PDE3B: variants seen among roughly 807,000 people sequenced by gnomAD.
PDE3B encodes the protein phosphodiesterase 3B, also known as cGMP-inhibited 3',5'-cyclic phosphodiesterase 3B.
A neutral mutation model predicts 116.8 loss-of-function variants in PDE3B; 66 were observed. That is an observed-to-expected ratio of 0.56 (90% CI 0.46 to 0.69). The LOEUF (loss-of-function observed/expected upper bound fraction) is 0.69, where lower values mean the gene tolerates loss of function less well. PDE3B is among the 30% of genes least tolerant of loss of function. The probability of loss-of-function intolerance (pLI) is 0.00; values close to 1 mark genes in which losing one functional copy is unlikely to be tolerated. For synonymous variants in PDE3B, 595 were observed against 533.6 expected (o/e 1.12, Z -1.59); for missense variants, 1,384 against 1,368.1 (o/e 1.01, Z -0.18).
At chr11:14,892,205 T>C in the PDE3B span, 1 of 1,609,268 alleles carries the variant, frequency 6.2e-7, no homozygotes, top group Non-Finnish European at 8.5e-7. Context: ...AGCTTCCACA[T>C]CGGCCCGAGC....
At chr11:14,800,106 T>A (rs1467924131) in intron 4 of PDE3B, among the ~76,000 whole-genome samples, 1 of 152,192 alleles carries the variant, frequency 6.6e-6, no homozygotes, top group Non-Finnish European at 1.5e-5. Flanking sequence ...CTTCAGGAGC[T>A]CTTGTTAGGC....
intron 11 of PDE3B, among the ~76,000 whole-genome samples, chr11:14,838,864 T>C (rs1489691053): frequency 6.6e-6 from 1 of 152,170 alleles, no homozygotes; most frequent in East Asian, 1.9e-4. Flanking sequence ...GTTTGCCTCA[T>C]GAGTTGTCTA....
intron 1 of PDE3B, among the ~76,000 whole-genome samples, chr11:14,725,663 T>C (rs1482104553): frequency 7.2e-6 from 1 of 139,578 alleles, no homozygotes; most frequent in Non-Finnish European, 1.5e-5. Flanking sequence ...TTATACTCCA[T>C]ATTCAGTCCA....
At chr11:14,891,542 A>T in the PDE3B span, 3 of 1,022,326 alleles carry the variant, frequency 2.9e-6, no homozygotes, top group Non-Finnish European at 3.5e-6. Flanking sequence ...GCTATTAACC[A>T]TCTAGAACTC....
chr11:14,734,821 A>C (rs1314192331), intron 1 of PDE3B, among the ~76,000 whole-genome samples: 2 of 152,120 alleles, frequency 1.3e-5, no homozygotes, highest in Non-Finnish European at 2.9e-5. Flanking sequence ...GCTGTTTTTG[A>C]GAATACAGAT....
intron 12 of PDE3B, among the ~76,000 whole-genome samples, 173 bp from the exon 13 acceptor site, chr11:14,858,870 G>A (rs1847896194): frequency 6.6e-6 from 1 of 152,108 alleles, no homozygotes; most frequent in Non-Finnish European, 1.5e-5. Flanking sequence ...TTGTACTTCA[G>A]TCTACTCATT....
intron 1 of PDE3B, among the ~76,000 whole-genome samples, chr11:14,695,658 T>A (rs1855185108): frequency 1.3e-5 from 2 of 152,072 alleles, no homozygotes. Context: ...TTTTCCCTAA[T>A]GCTCTGCTTC....
intron 10 of PDE3B, 104 bp downstream of exon 10, chr11:14,832,937 T>C (rs1590180441): frequency 1.7e-6 from 1 of 577,860 alleles, no homozygotes; most frequent in East Asian, 3.3e-5. Context: ...TTAAAACTGC[T>C]TGTTTGAAAT....
the PDE3B span, among the ~76,000 whole-genome samples, chr11:14,884,659 T>C: frequency 6.6e-6 from 1 of 151,904 alleles, no homozygotes; most frequent in Non-Finnish European, 1.5e-5. Context: ...TGTGCACCTG[T>C]ACCCTAAAAC....
intron 1 of PDE3B, among the ~76,000 whole-genome samples, 173 bp from the exon 2 acceptor site, chr11:14,771,764 T>C (rs1449739776): frequency 6.6e-6 from 1 of 151,718 alleles, no homozygotes; most frequent in Non-Finnish European, 1.5e-5. Context: ...TTCTCAATTA[T>C]AGATTATATT....
intron 1 of PDE3B, among the ~76,000 whole-genome samples, chr11:14,771,018 C>G (rs887265648): frequency 1.3e-5 from 2 of 151,462 alleles, no homozygotes; most frequent in African/African-American, 4.8e-5. Flanking sequence ...ATGTAGCCAG[C>G]AAAGCACCAA....
Position 14,859,211 on chromosome 11 carries a change from A to G in PDE3B, c.2689A>G (p.Lys897Glu), listed in dbSNP as rs1430885792. 2 of 1,612,074 alleles carry G rather than the reference A, an allele frequency of 1.2e-6. No individual in the cohort carries two copies. Among genetic ancestry groups the G allele is most frequent in the African/African-American group, 2.7e-5 (2 of 74,864 alleles). The change falls in exon 13 of 16, where the codon AAG becomes GAG. Residue 897 changes from lysine to glutamate, a missense_variant. By Grantham distance (56) the Lys-to-Glu change is moderately conservative. Coordinates refer to ENST00000282096, the MANE Select transcript of PDE3B (RefSeq NM_000922.4). ...AGCAATCCTTGCTACGGATCTTAAA[A>G]AGCATTTTGATTTTCTCGCAGAATT... Reference protein sequence around the residue: ...IEAILATDLKKHFDFLAEFNA... With the variant: ...IEAILATDLKEHFDFLAEFNA...
At chr11:14,850,540 G>T (rs528700633) in intron 12 of PDE3B, among the ~76,000 whole-genome samples, 2 of 152,034 alleles carry the variant, frequency 1.3e-5, no homozygotes, top group Non-Finnish European at 2.9e-5. Context: ...TAGGCCCATT[G>T]TATGGCTAGA....
At chr11:14,692,996 C>A (rs867019196) in intron 1 of PDE3B, among the ~76,000 whole-genome samples, 1 of 152,160 alleles carries the variant, frequency 6.6e-6, no homozygotes, top group African/African-American at 2.4e-5. Context: ...AAATTAAAAG[C>A]GCTTCTCCAG....
intron 1 of PDE3B, among the ~76,000 whole-genome samples, chr11:14,740,642 A>G (rs1856742165): frequency 6.6e-6 from 1 of 152,124 alleles, no homozygotes; most frequent in African/African-American, 2.4e-5. Context: ...GTCTTCTGCT[A>G]GCATTTGAAT....
At chr11:14,831,876 A>G (rs1329235372) in intron 9 of PDE3B, 99 bp downstream of exon 9, 1 of 708,402 alleles carries the variant, frequency 1.4e-6, no homozygotes, top group Non-Finnish European at 2.3e-6. Flanking sequence ...CACTAGTTCA[A>G]CAATGACATT....
At chr11:14,679,081 C>T (rs941970876) in intron 1 of PDE3B, among the ~76,000 whole-genome samples, 16 of 152,008 alleles carry the variant, frequency 1.1e-4, no homozygotes, top group Non-Finnish European at 1.5e-4. Flanking sequence ...GATTTATTTC[C>T]GGGTTATTGA....
At chr11:14,689,867 C>G (rs186213372) in intron 1 of PDE3B, among the ~76,000 whole-genome samples, 1 of 152,264 alleles carries the variant, frequency 6.6e-6, no homozygotes, top group Admixed American at 6.5e-5. Flanking sequence ...TAAGGCATTT[C>G]AATATTGCCA....
intron 1 of PDE3B, among the ~76,000 whole-genome samples, chr11:14,668,178 G>A (rs980754997): frequency 2.6e-5 from 4 of 151,982 alleles, no homozygotes; most frequent in South Asian, 2.1e-4. Context: ...AGACAGTATC[G>A]ACGCTTTGAG....
Sources: allele counts gnomAD v4.1 joint callset (sites outside exome capture counted in the v4.1 genomes callset), GRCh38; gene constraint gnomAD v4.1.1; transcripts MANE v1.5; gene names NCBI Gene and HGNC (gene_info 2026-07-23, HGNC 2026-07-21).